Variants in NKAIN2 observed in about 807,000 individuals in gnomAD.
NKAIN2 encodes sodium/potassium transporting ATPase interacting 2.
A neutral mutation model predicts 32.6 loss-of-function variants in NKAIN2; 14 were observed. That is an observed-to-expected ratio of 0.43 (90% CI 0.28 to 0.67). NKAIN2 has a LOEUF of 0.67. NKAIN2 is among the 30% of genes least tolerant of loss of function. The probability of loss-of-function intolerance (pLI) is 0.17; values close to 1 mark genes in which losing one functional copy is unlikely to be tolerated. For synonymous variants in NKAIN2, 80 were observed against 87.2 expected, an observed-to-expected ratio of 0.92 and a Z score of 0.46; for missense variants, 198 against 258.3, an observed-to-expected ratio of 0.77 and a Z score of 1.60.
At chr6:124,193,197 G>A (rs998990106) in intron 1 of NKAIN2, among the ~76,000 whole-genome samples, 1 of 152,200 alleles carries the variant, frequency 6.6e-6, no homozygotes, top group African/African-American at 2.4e-5. Flanking sequence ...GCCTCTGCCC[G>A]AGTTTTGCGA....
At chr6:124,769,804 C>A (rs1236872207) in intron 4 of NKAIN2, among the ~76,000 whole-genome samples, 1 of 152,102 alleles carries the variant, frequency 6.6e-6, no homozygotes, top group Non-Finnish European at 1.5e-5. Flanking sequence ...AAAAATCAAA[C>A]CCTTAATCCT....
intron 3 of NKAIN2, among the ~76,000 whole-genome samples, chr6:124,398,160 G>A (rs1773470348): frequency 6.7e-6 from 1 of 149,628 alleles, no homozygotes; most frequent in Non-Finnish European, 1.5e-5. Context: ...GGCTGAGGCA[G>A]GAGAATGGCC....
intron 4 of NKAIN2, among the ~76,000 whole-genome samples, chr6:124,691,073 T>A (rs1453533636): frequency 6.6e-6 from 1 of 152,162 alleles, no homozygotes; most frequent in Non-Finnish European, 1.5e-5. Context: ...AAGTTGTAAC[T>A]TTTTATATTT....
At chr6:123,944,067 G>T (rs1776954162) in intron 1 of NKAIN2, among the ~76,000 whole-genome samples, 1 of 151,902 alleles carries the variant, frequency 6.6e-6, no homozygotes, top group Non-Finnish European at 1.5e-5. Context: ...AATAACTCTG[G>T]TTTCTTTAAA....
intron 1 of NKAIN2, among the ~76,000 whole-genome samples, chr6:123,849,655 G>A (rs1775233371): frequency 6.6e-6 from 1 of 152,144 alleles, no homozygotes; most frequent in Non-Finnish European, 1.5e-5. Flanking sequence ...ACAGAGGCTG[G>A]GGGTGGGTGC....
At chr6:124,184,960 G>A (rs1156238617) in intron 1 of NKAIN2, among the ~76,000 whole-genome samples, 1 of 151,990 alleles carries the variant, frequency 6.6e-6, no homozygotes, top group Admixed American at 6.6e-5. Flanking sequence ...TCTATCATTA[G>A]TTGGAAGAAC....
chr6:123,976,278 TGTTTCC>T (rs1309696830), intron 1 of NKAIN2, among the ~76,000 whole-genome samples: 4,622 of 119,588 alleles, frequency 0.039, 664 homozygotes, highest in African/African-American at 0.051. Context: ...TCCATATATA[TGTTTCC>T]ATATATATGT....
At chr6:124,055,070 A>T (rs890939675) in intron 1 of NKAIN2, among the ~76,000 whole-genome samples, 10 of 152,016 alleles carry the variant, frequency 6.6e-5, no homozygotes, top group African/African-American at 2.2e-4. Context: ...TTCAAATACT[A>T]TATCACCTAG....
At chr6:124,788,383 G>T (rs542709044) in intron 4 of NKAIN2, among the ~76,000 whole-genome samples, 1 of 152,176 alleles carries the variant, frequency 6.6e-6, no homozygotes. Context: ...GTAGCAATTA[G>T]AAGAGTTGCA....
At chr6:124,444,872 T>G (rs2114605760) in intron 3 of NKAIN2, among the ~76,000 whole-genome samples, 1 of 152,098 alleles carries the variant, frequency 6.6e-6, no homozygotes, top group South Asian at 2.1e-4. Context: ...ATGAATCTCA[T>G]GAATGCTTTT....
intron 4 of NKAIN2, among the ~76,000 whole-genome samples, chr6:124,719,726 CA>C (rs11343989): frequency 0.65 from 94,479 of 144,970 alleles, 30,249 homozygotes; most frequent in East Asian, 0.75. Flanking sequence ...CCCTGCTAAT[CA>C]AAAAAAAAAA....
At chr6:124,385,520 C>T (rs79610585) in intron 3 of NKAIN2, among the ~76,000 whole-genome samples, 15,218 of 152,156 alleles carry the variant, frequency 0.1, 932 homozygotes, top group African/African-American at 0.17. Context: ...CCCCGACTCA[C>T]TGAATCGGTG....
At chr6:124,163,983 T>C (rs1011925779) in intron 1 of NKAIN2, among the ~76,000 whole-genome samples, 3 of 152,054 alleles carry the variant, frequency 2.0e-5, no homozygotes, top group African/African-American at 7.2e-5. Flanking sequence ...ACTGAGTCCT[T>C]AGTCTTATTT....
chr6:124,236,172 A>C (rs1196770117), intron 1 of NKAIN2, among the ~76,000 whole-genome samples: 4 of 152,142 alleles, frequency 2.6e-5, no homozygotes, highest in African/African-American at 9.7e-5. Flanking sequence ...TTTCTCAACA[A>C]TTATTAAATA....
intron 3 of NKAIN2, among the ~76,000 whole-genome samples, chr6:124,636,787 G>C (rs1783788512): frequency 6.6e-6 from 1 of 151,918 alleles, no homozygotes; most frequent in African/African-American, 2.4e-5. Flanking sequence ...GTAAAGCCAG[G>C]CTTCACTGCT....
At chr6:124,336,854 A>T (rs1193547919) in intron 2 of NKAIN2, among the ~76,000 whole-genome samples, 1 of 151,620 alleles carries the variant, frequency 6.6e-6, no homozygotes, top group Non-Finnish European at 1.5e-5. Context: ...TTGTATTTTA[A>T]TAGAGACAGG....
chr6:124,212,727 C>A (rs1225781785), intron 1 of NKAIN2, among the ~76,000 whole-genome samples: 1 of 152,030 alleles, frequency 6.6e-6, no homozygotes, highest in Non-Finnish European at 1.5e-5. Flanking sequence ...TTCTAAATCT[C>A]ATTTTTATGC....
At position 123,804,066 on chromosome 6, in the gene NKAIN2, GGCAGCA is replaced by G; in HGVS notation, c.-126_-121del. 1.2e-6 allele frequency: 1 copy of G among 833,148 alleles called. No individual in the cohort carries two copies. 51.6% of individuals were successfully genotyped at this position (833,148 alleles called of 1,614,324 possible). ...AATGCCTGTCACTTCCCAGGACGCT[GGCAGCA>G]GCAGCAGCCCGGAGCCCCCGAGCCC... On this transcript the variant is annotated 5_prime_UTR_variant, in exon 1 of 7. Coordinates refer to ENST00000368417, the MANE Select transcript of NKAIN2 (RefSeq NM_001040214.3).
intron 1 of NKAIN2, among the ~76,000 whole-genome samples, chr6:124,272,735 G>A (rs1053070703): frequency 2.6e-5 from 4 of 152,206 alleles, no homozygotes; most frequent in African/African-American, 9.6e-5. Context: ...CTCAATGCCA[G>A]CTTGTGAAAG....
Sources: gnomAD v4.1 joint callset for allele counts (sites outside exome capture counted in the v4.1 genomes callset) on GRCh38, gnomAD v4.1.1 for gene constraint, MANE v1.5 for transcripts, NCBI Gene and HGNC (gene_info 2026-07-23, HGNC 2026-07-21) for gene names.